The following TTN variants were observed in gnomAD, a reference collection of about 807,000 sequenced individuals.
TTN encodes the protein titin.
TTN carries 1,525 observed loss-of-function variants against 3,223.0 expected under a neutral mutation model. The observed-to-expected ratio is 0.47, with a 90% confidence interval of 0.45 to 0.49. TTN has a LOEUF of 0.49. Among genes scored for constraint, TTN ranks in the 20% least tolerant of loss-of-function variants. The pLI is 0.00. For synonymous variants in TTN, 14,094 were observed against 15,161.0 expected (o/e 0.93, Z 5.17); for missense variants, 40,786 against 43,424.0 (o/e 0.94, Z 5.40).
rs564410456 is a variant in TTN at position 178,547,192 on chromosome 2, C to T, written c.94333G>A (p.Val31445Ile). 3.1e-6 allele frequency: 5 copies of T among 1,613,820 alleles called. No homozygotes were observed. The East Asian group carries it at 8.9e-5, about 29-fold the overall frequency. Residue 31445 changes from valine (V) to isoleucine (I), a missense_variant, in exon 340 of 363, where the codon GTT becomes ATT. Transcript: ENST00000589042. ...ATTGTATTACGTTCTTTCTTCTCAA[C>T]CCAGTAGCCAATGATTTTACTGCCA... ...DGGSKIIGYW[V>I]EKKERNTILW... is the part of the protein sequence containing the mutation.
intron 47 of TTN, chr2:178,751,002 C>T: frequency 6.2e-7 from 1 of 1,612,484 alleles, no homozygotes; most frequent in Non-Finnish European, 8.5e-7. Flanking sequence ...TGGAAAATTT[C>T]TTCATCAACA....
At position 178,533,697 on chromosome 2, in the gene TTN, C is replaced by T; in HGVS notation, c.102918G>A (p.Lys34306=). The change falls in exon 358 of 363, where the codon AAG becomes AAA. Residue 34306 remains lysine, a synonymous_variant. Transcript: ENST00000589042. ...GACCCTTGTCTGACTCAAATGTGTA[C>T]TTCTTGTCATTGTCACCTGGTTTGA... is the stretch of plus-strand genomic sequence containing the variant. ...QKIKPGDNDK[K]YTFESDKGLY... 1.1e-5 allele frequency: 17 copies of T among 1,613,838 alleles called. No homozygotes were observed. Among genetic ancestry groups the T allele is most frequent in the Non-Finnish European group, 1.4e-5 (17 of 1,179,854 alleles).
At position 178,573,307 on chromosome 2, in the gene TTN, T is replaced by C; in HGVS notation, c.72825A>G (p.Lys24275=). The C allele has an allele frequency of 1.3e-6, 2 of 1,577,752 alleles. No homozygotes were observed. The highest frequency in any genetic ancestry group is 1.2e-5 in the South Asian group (1 of 84,660). The part of the protein sequence containing the change: ...AGQRWIKCNK[K]TLTDLRYKVS... The stretch of plus-strand genomic sequence containing the variant: ...CTTTATATCTTAAATCAGTAAGAGT[T>C]TTTTTGTTGCATTTAATCCAGCGTT... Residue 24275 remains lysine, a synonymous_variant, in exon 326 of 363, where the codon AAA becomes AAG. Transcript: ENST00000589042.
chr2:178,533,383 A>AT lies in TTN; in HGVS notation c.103231dup (p.Ile34411AsnfsTer4), dbSNP rs1559025108. 1 of 1,613,658 alleles carries AT rather than the reference A, an allele frequency of 6.2e-7. No individual in the cohort carries two copies. Among genetic ancestry groups the AT allele is most frequent in the Non-Finnish European group, 8.5e-7 (1 of 1,179,850 alleles). ...ATAATAATCCAAGCCTTCATGGATA[A>AT]TTTCAATGTTAGGCCCGAGGGACAG... On this transcript the variant is annotated frameshift_variant, in exon 358 of 363. Coordinates refer to ENST00000589042, the MANE Select transcript of TTN (RefSeq NM_001267550.2). LOFTEE classifies it high-confidence loss of function.
At chr2:178,743,650 C>A (rs924109452) in intron 47 of TTN, among the ~76,000 whole-genome samples, 1 of 151,832 alleles carries the variant, frequency 6.6e-6, no homozygotes, top group African/African-American at 2.4e-5. Flanking sequence ...AAGGTTTGAA[C>A]TGTTGCTGTG....
At position 178,699,089 on chromosome 2, in the gene TTN, CA is replaced by C. The variant is rs562167139; in HGVS notation, c.30683-176del. Among the ~76,000 whole-genome samples the C allele has an allele frequency of 1.8e-3, 275 of 151,940 alleles. 5 individuals are homozygous for C. The South Asian group carries it at 0.024, about 13-fold the overall frequency. On this transcript the variant is annotated intron_variant, in intron 111 of 362. Transcript: ENST00000589042. ...TTTTGGAAAGATCTAGGACTAGATGCAAAAAAATTGTTTTGGAGGGATATAG... is the reference window on the plus strand; with the variant it reads ...TTTTGGAAAGATCTAGGACTAGATGCAAAAAATTGTTTTGGAGGGATATAG...
chr2:178,748,455 T>A (rs1293801332), intron 47 of TTN: 1 of 1,613,070 alleles, frequency 6.2e-7, no homozygotes, highest in Non-Finnish European at 8.5e-7. Flanking sequence ...GGGCTAGGAA[T>A]TTTTTCTTTA....
rs765859586 is a variant in TTN at position 178,584,735 on chromosome 2, C to T, written c.64906G>A (p.Ala21636Thr). Reference sequence around the variant, plus strand: ...TCTGAAATGCCAAATCGGTTTTCAGCACGGACCCGGAAGATGTACTCCTGG... The same window carrying T: ...TCTGAAATGCCAAATCGGTTTTCAGTACGGACCCGGAAGATGTACTCCTGG... ...PGQEYIFRVRAENRFGISEPL... is the reference protein window; with the variant it reads ...PGQEYIFRVRTENRFGISEPL... The change falls in exon 310 of 363, where the codon GCT (alanine) becomes ACT (threonine). Residue 21636 changes from alanine to threonine, a missense_variant. Ala to Thr is a moderately conservative substitution (Grantham distance 58). Coordinates refer to ENST00000589042, the MANE Select transcript of TTN (RefSeq NM_001267550.2). 6.2e-7 allele frequency: 1 copy of T among 1,613,478 alleles called. No homozygotes were observed.
In TTN at chr2:178,539,541, C is replaced by A. The variant is rs199647622; in HGVS notation, c.98524G>T (p.Ala32842Ser). ...ILERREVPKA[A>S]WYTIDSRVRG... ...ACTCTGGAATCAATGGTATACCAGG[C>A]GGCTTTAGGCACTTCTCGTCTCTCG... Residue 32842 changes from alanine (A) to serine (S), a missense_variant, in exon 352 of 363, where the codon GCC (alanine) becomes TCC (serine). Physicochemically the swap from Ala to Ser is moderately conservative, Grantham distance 99 (BLOSUM62 1). Coordinates refer to ENST00000589042, the MANE Select transcript of TTN (RefSeq NM_001267550.2). 9.3e-6 allele frequency: 15 copies of A among 1,613,652 alleles called. 1 individual carries two copies. The highest frequency in any genetic ancestry group is 1.3e-5 in the Non-Finnish European group (15 of 1,179,778).
Position 178,563,578 on chromosome 2 carries a change from C to G in TTN, c.82554G>C (p.Lys27518Asn). The G allele has an allele frequency of 1.2e-6, 2 of 1,613,778 alleles. No individual in the cohort carries two copies. Among genetic ancestry groups the G allele is most frequent in the South Asian group, 2.2e-5 (2 of 91,082 alleles). Residue 27518 changes from lysine (K) to asparagine (N), a missense_variant, in exon 326 of 363, where the codon AAG becomes AAC. Transcript: ENST00000589042. The surrounding 1 kb of genome is among the most constrained non-coding windows in gnomAD (Gnocchi z 4.5). ...GATCCGTTAATGTTTTCTTGTTGCACTTGGTCCATCTAACGCCTTCCTTAT... is the reference window on the plus strand; with the variant it reads ...GATCCGTTAATGTTTTCTTGTTGCAGTTGGTCCATCTAACGCCTTCCTTAT... ...KRDKEGVRWT[K>N]CNKKTLTDLR...
Position 178,585,231 on chromosome 2 carries a change from C to T in TTN, c.64513G>A (p.Asp21505Asn). ...AGGTGGCTGGATGTGACAACTTCAT[C>T]TTCTCCTTTTTTCCATTTACAGGTG... ...HPTCKWKKGE[D>N]EVVTSSHLAV... Residue 21505 changes from aspartate (D) to asparagine (N), a missense_variant, in exon 309 of 363, where the codon GAT (aspartate) becomes AAT (asparagine). By Grantham distance (23) the Asp-to-Asn change is conservative (BLOSUM62 1). Coordinates refer to ENST00000589042, the MANE Select transcript of TTN (RefSeq NM_001267550.2). 6.2e-7 allele frequency: 1 copy of T among 1,613,354 alleles called. No homozygotes were observed. Among genetic ancestry groups the T allele is most frequent in the Non-Finnish European group, 8.5e-7 (1 of 1,179,460 alleles).
chr2:178,588,912 A>T lies in TTN; in HGVS notation c.62813T>A (p.Val20938Asp). Residue 20938 changes from valine (V) to aspartate (D), a missense_variant, in exon 304 of 363, where the codon GTC becomes GAC. By Grantham distance (152) the Val-to-Asp change is radical. Transcript: ENST00000589042. Reference protein sequence around the residue: ...LIEGNEYIFRVRAENKIGTGP... With the variant: ...LIEGNEYIFRDRAENKIGTGP... ...TGTGCCTATTTTATTTTCTGCACGG[A>T]CTCTGAAAATATATTCATTTCCTTC... 6.2e-7 allele frequency: 1 copy of T among 1,612,984 alleles called. No individual in the cohort carries two copies. The highest frequency in any genetic ancestry group is 1.3e-5 in the African/African-American group (1 of 74,976).
rs769262840 is a variant in TTN at position 178,598,493 on chromosome 2, C to T, written c.57111+13G>A. On this transcript the variant is annotated intron_variant, in intron 292 of 362. Coordinates refer to ENST00000589042, the MANE Select transcript of TTN (RefSeq NM_001267550.2). ...TATTCATAGTGCATTTCCTTAGTGC[C>T]AAGTTTTCCTACCTTTTCCCATTCT... The T allele has an allele frequency of 7.5e-6, 12 of 1,604,048 alleles. No individual in the cohort carries two copies. Among genetic ancestry groups the T allele is most frequent in the Non-Finnish European group, 1.0e-5 (12 of 1,177,418 alleles).
chr2:178,566,207 C>T lies in TTN; in HGVS notation c.79925G>A (p.Gly26642Glu), dbSNP rs778486315. The change falls in exon 326 of 363, where the codon GGA (glycine) becomes GAA (glutamate). Residue 26642 changes from glycine to glutamate, a missense_variant. Coordinates refer to ENST00000589042, the MANE Select transcript of TTN (RefSeq NM_001267550.2). ...TATTGATAGTTGGGTATAGTTTACT[C>T]CCTTTTCAATTTGGACCTTATCTGT... ...EFTDKVQIEK[G>E]VNYTQLSIDN... 2 of 1,613,702 alleles carry T rather than the reference C, an allele frequency of 1.2e-6. No individual in the cohort carries two copies. The highest frequency in any genetic ancestry group is 1.7e-6 in the Non-Finnish European group (2 of 1,179,710).
At chr2:178,546,175 A>T in intron 342 of TTN, 37 bp downstream of exon 342, 1 of 1,589,848 alleles carries the variant, frequency 6.3e-7, no homozygotes, top group South Asian at 1.2e-5. Flanking sequence ...CACACTGGAA[A>T]ATGCTATATA....
Position 178,566,807 on chromosome 2 carries a change from G to C in TTN, c.79325C>G (p.Thr26442Arg). 1 of 1,613,324 alleles carries C rather than the reference G, an allele frequency of 6.2e-7. No individual in the cohort carries two copies. Among genetic ancestry groups the C allele is most frequent in the East Asian group, 2.2e-5 (1 of 44,782 alleles). ...TCCTGTCACTCTTAGACGCAAATCT[G>C]TAATGCGGCGTTTATTACATTTTAT... is the stretch of plus-strand genomic sequence containing the variant. Reference protein sequence around the residue: ...RWIKCNKRRITDLRLRVTGLT... With the variant: ...RWIKCNKRRIRDLRLRVTGLT... The change falls in exon 326 of 363, where the codon ACA becomes AGA. Residue 26442 changes from threonine to arginine, a missense_variant. Transcript: ENST00000589042.
Position 178,632,333 on chromosome 2 carries a change from A to C in TTN, c.43561T>G (p.Ser14521Ala). ...KESAVFTVEL[S>A]HDNIRVKWFK... ...CATTTAACTCGGATGTTATCATGAG[A>C]TAACTCCACAGTAAATACAGCACTT... is the stretch of plus-strand genomic sequence containing the variant. The change falls in exon 236 of 363, where the codon TCT becomes GCT. Residue 14521 changes from serine (S) to alanine (A), a missense_variant. By Grantham distance (99) the Ser-to-Ala change is moderately conservative. Transcript: ENST00000589042. The C allele has an allele frequency of 6.2e-7, 1 of 1,606,670 alleles. No individual in the cohort carries two copies. Among genetic ancestry groups the C allele is most frequent in the South Asian group, 1.1e-5 (1 of 89,778 alleles).
At chr2:178,754,518 A>G (rs556814553) in intron 46 of TTN, among the ~76,000 whole-genome samples, 11 of 152,266 alleles carry the variant, frequency 7.2e-5, no homozygotes, top group African/African-American at 2.6e-4. Flanking sequence ...ACAGTCAAAC[A>G]CCGCACTATA....
chr2:178,727,330 C>G lies in TTN; in HGVS notation c.20035G>C (p.Val6679Leu). 1 of 1,609,390 alleles carries G rather than the reference C, an allele frequency of 6.2e-7. No homozygotes were observed. Among genetic ancestry groups the G allele is most frequent in the South Asian group, 1.1e-5 (1 of 90,294 alleles). The change falls in exon 69 of 363, where the codon GTG (valine) becomes CTG (leucine). Residue 6679 changes from valine to leucine, a missense_variant. Physicochemically the swap from Val to Leu is conservative, Grantham distance 32. Transcript: ENST00000589042. ...AGTCGTGAAGAGTCACCTGCTTTCA[C>G]AATTTTGGAGGCTTCTAATTTCTTT... is the stretch of plus-strand genomic sequence containing the variant. ...FVKKLEASKI[V>L]KAGDSSRLEC...
Sources: gnomAD v4.1 joint callset for allele counts (sites outside exome capture counted in the v4.1 genomes callset) on GRCh38, gnomAD v4.1.1 for gene constraint, Gnocchi (gnomAD v3.1) non-coding constraint, MANE v1.5 for transcripts, NCBI Gene and HGNC (gene_info 2026-07-23, HGNC 2026-07-21) for gene names.